The following SCLY variants were observed in gnomAD, a reference collection of about 807,000 sequenced individuals.
The protein encoded by SCLY is selenocysteine lyase.
Under a neutral mutation model 50.1 loss-of-function variants are expected in SCLY, and 38 were observed. The ratio of observed to expected loss-of-function variants is 0.76; its 90% confidence interval spans 0.59 to 0.99. The LOEUF is 0.99. Ranked by LOEUF, SCLY falls within the 50% of genes least tolerant of loss-of-function variation. The pLI is 0.00. For missense variants in SCLY, 600 were observed against 620.0 expected, an observed-to-expected ratio of 0.97 and a Z score of 0.34; for synonymous variants, 243 against 249.4, an observed-to-expected ratio of 0.97 and a Z score of 0.24.
chr2:238,068,239 T>C, intron 3 of SCLY, 74 bp downstream of exon 3: 1 of 1,136,854 alleles, frequency 8.8e-7, no homozygotes. Context: ...GATTTCCTTT[T>C]GCTACATTTT....
Position 238,069,557 on chromosome 2 carries a change from C to A in SCLY, c.484+80C>A. The stretch of plus-strand genomic sequence containing the variant: ...CGGGAAGTGGCCTGCGAGCAGAGCC[C>A]GGGATCCGCTGCAGAGATGTAGATT... On this transcript the variant is annotated intron_variant, in intron 4 of 11. Coordinates refer to ENST00000254663, the MANE Select transcript of SCLY (RefSeq NM_016510.7). The surrounding 1 kb of genome is among the most constrained non-coding windows in gnomAD (Gnocchi z 5.0). The A allele has an allele frequency of 1.6e-6, 2 of 1,276,886 alleles. No individual in the cohort carries two copies. Among genetic ancestry groups the A allele is most frequent in the South Asian group, 1.5e-5 (1 of 67,158 alleles). 79.1% of individuals were successfully genotyped at this position (1,276,886 alleles called of 1,614,324 possible).
chr2:238,063,299 C>T (rs1233075351), intron 1 of SCLY, among the ~76,000 whole-genome samples: 43 of 149,726 alleles, frequency 2.9e-4, no homozygotes, highest in African/African-American at 1.1e-3. Flanking sequence ...GTTGCCCAGG[C>T]TAGAGTGCAG....
chr2:238,081,105 C>G lies in SCLY; in HGVS notation c.485-604C>G, dbSNP rs571938369. 22 of 152,630 alleles carry G rather than the reference C, an allele frequency of 1.4e-4. 1 individual carries two copies. In the South Asian group the frequency reaches 3.5e-3, roughly 24 times the overall value. 9.5% of individuals were successfully genotyped at this position (152,630 alleles called of 1,614,324 possible). Reference sequence around the variant, plus strand: ...CTCGGCCTTCCAAAGTGAGCCACTGCGCCTGGCCAGATACCCTTTGTTGGT... The same window carrying G: ...CTCGGCCTTCCAAAGTGAGCCACTGGGCCTGGCCAGATACCCTTTGTTGGT... On this transcript the variant is annotated intron_variant, in intron 4 of 11. Coordinates refer to ENST00000254663, the MANE Select transcript of SCLY (RefSeq NM_016510.7).
At chr2:238,081,601 C>T in intron 4 of SCLY, 108 bp from the exon 5 acceptor site, 2 of 1,455,018 alleles carry the variant, frequency 1.4e-6, no homozygotes, top group Non-Finnish European at 1.9e-6. Flanking sequence ...TGAACTTGGA[C>T]AACAATTTAC....
intron 4 of SCLY, among the ~76,000 whole-genome samples, chr2:238,077,232 C>G (rs2065183170): frequency 6.6e-6 from 1 of 152,176 alleles, no homozygotes; most frequent in South Asian, 2.1e-4. Flanking sequence ...GTTCTTTTAT[C>G]ATTATAAAAT....
intron 6 of SCLY, 39 bp downstream of exon 6, chr2:238,082,248 C>T: frequency 6.5e-7 from 1 of 1,542,526 alleles, no homozygotes; most frequent in Non-Finnish European, 8.8e-7. Flanking sequence ...TGGGCAGAGC[C>T]TACTGCGCAG....
chr2:238,077,144 G>A (rs1254042800), intron 4 of SCLY, among the ~76,000 whole-genome samples: 2 of 152,064 alleles, frequency 1.3e-5, no homozygotes, highest in African/African-American at 4.8e-5. Flanking sequence ...AAACCTGTCA[G>A]TTTTTGCTTC....
intron 4 of SCLY, among the ~76,000 whole-genome samples, chr2:238,074,238 G>A (rs12619160): frequency 0.4 from 60,878 of 151,354 alleles, 12,602 homozygotes; most frequent in East Asian, 0.7. Context: ...CCCGGAAGGC[G>A]GAGGCTGTAG....
intron 8 of SCLY, 65 bp downstream of exon 8, chr2:238,091,319 A>T: frequency 7.5e-7 from 1 of 1,332,524 alleles, no homozygotes; most frequent in Non-Finnish European, 1.1e-6. Context: ...CAGCGGCTCT[A>T]GTAGGAATCT....
rs1559254555 is a variant in SCLY, at chr2:238,098,607, G to GACCGCCCACATGGGACCGCCCACATTGA, written c.*277_*278insTGAACCGCCCACATGGGACCGCCCACAT. 1 of 372,058 alleles carries GACCGCCCACATGGGACCGCCCACATTGA rather than the reference G, an allele frequency of 2.7e-6. No individual in the cohort carries two copies. The highest frequency in any genetic ancestry group is 6.2e-5 in the Admixed American group (1 of 16,048). 23.0% of individuals were successfully genotyped at this position (372,058 alleles called of 1,614,324 possible). A position where few individuals can be genotyped will look rare whatever the true frequency, so the allele number is the denominator to read the frequency against. ...CGCCCACATAGGACCGCCCACATAG[G>GACCGCCCACATGGGACCGCCCACATTGA]ACCGCCCACATGGGACCGCCCACAT... is the stretch of plus-strand genomic sequence containing the variant. On this transcript the variant is annotated 3_prime_UTR_variant, in exon 12 of 12. Transcript: ENST00000254663.
At position 238,069,558 on chromosome 2, in the gene SCLY, G is replaced by A. The variant is rs530803665; in HGVS notation, c.484+81G>A. 159 of 1,262,000 alleles carry A rather than the reference G, an allele frequency of 1.3e-4. No individual in the cohort carries two copies. The highest frequency in any genetic ancestry group is 7.3e-4 in the African/African-American group (48 of 66,156). 78.2% of individuals were successfully genotyped at this position (1,262,000 alleles called of 1,614,324 possible). On this transcript the variant is annotated intron_variant, in intron 4 of 11. Transcript: ENST00000254663. The surrounding 1 kb of genome is among the most constrained non-coding windows in gnomAD (Gnocchi z 5.0). ...GGGAAGTGGCCTGCGAGCAGAGCCC[G>A]GGATCCGCTGCAGAGATGTAGATTC...
chr2:238,097,077 G>A (rs942876363), intron 11 of SCLY, among the ~76,000 whole-genome samples: 2 of 151,906 alleles, frequency 1.3e-5, no homozygotes, highest in Non-Finnish European at 2.9e-5. Flanking sequence ...GGACTTGTGC[G>A]GGAGAAGAGG....
intron 8 of SCLY, chr2:238,091,552 TTCCCAAAGG>T: frequency 6.9e-4 from 214 of 307,970 alleles, no homozygotes; most frequent in Middle Eastern, 1.9e-3. Context: ...AGGTTCACCA[TTCCCAAAGG>T]CGTCGGCAGC....
intron 7 of SCLY, among the ~76,000 whole-genome samples, chr2:238,087,552 AT>A (rs999721917): frequency 3.0e-4 from 45 of 152,332 alleles, no homozygotes; most frequent in African/African-American, 1.1e-3. Flanking sequence ...CGGTGGTTTC[AT>A]TAGAGAATTC....
chr2:238,068,180 C>T lies in SCLY; in HGVS notation c.303+15C>T, dbSNP rs781364050. The T allele has an allele frequency of 6.7e-7, 1 of 1,483,472 alleles. No homozygotes were observed. Among genetic ancestry groups the T allele is most frequent in the Non-Finnish European group, 9.4e-7 (1 of 1,069,192 alleles). 91.9% of individuals were successfully genotyped at this position (1,483,472 alleles called of 1,614,324 possible). On this transcript the variant is annotated intron_variant, in intron 3 of 11. Coordinates refer to ENST00000254663, the MANE Select transcript of SCLY (RefSeq NM_016510.7). ...GGGGCACTGAGGTAAAGCTTCTGAA[C>T]ACACTCACATTCTGTTAACTGTAAG...
chr2:238,086,576 C>T lies in SCLY; in HGVS notation c.884+3222C>T, dbSNP rs187104759. Among the ~76,000 whole-genome samples, 332 of 151,580 alleles carry T rather than the reference C, an allele frequency of 2.2e-3. 2 individuals are homozygous for T. The highest frequency in any genetic ancestry group is 7.8e-3 in the African/African-American group (321 of 41,272). ...TTTTTAATTAGCCGACATGGCAGTG[C>T]GTGCCTGTAGTCCCAGCTACTCAGG... On this transcript the variant is annotated intron_variant, in intron 7 of 11. Coordinates refer to ENST00000254663, the MANE Select transcript of SCLY (RefSeq NM_016510.7).
intron 8 of SCLY, chr2:238,091,550 C>CCCCTG: frequency 2.4e-6 from 1 of 408,672 alleles, no homozygotes; most frequent in Non-Finnish European, 4.6e-6. Context: ...GCAGGTTCAC[C>CCCCTG]ATTCCCAAAG....
chr2:238,067,994 G>C lies in SCLY; in HGVS notation c.203-71G>C, dbSNP rs1054500945. 4.4e-6 allele frequency: 5 copies of C among 1,148,776 alleles called. No individual in the cohort carries two copies. The South Asian group carries it at 6.9e-5, about 16-fold the overall frequency. 71.2% of individuals were successfully genotyped at this position (1,148,776 alleles called of 1,614,324 possible). ...CAGACCTCTTATTCCTTTGTATTTG[G>C]TTGTCCTTTTAGATGCGTTGATTGA... On this transcript the variant is annotated intron_variant, in intron 2 of 11. Coordinates refer to ENST00000254663, the MANE Select transcript of SCLY (RefSeq NM_016510.7). This position sits in a 1 kb window ranked among gnomAD's most constrained non-coding sequence, Gnocchi z 4.3.
intron 8 of SCLY, chr2:238,091,517 C>CTTTTTT: frequency 6.7e-4 from 323 of 483,876 alleles, no homozygotes; most frequent in Middle Eastern, 1.7e-3. Context: ...GATACTGTTA[C>CTTTTTT]AGCAGAGGTG....
Sources: gnomAD v4.1 joint callset for allele counts (sites outside exome capture counted in the v4.1 genomes callset) on GRCh38, gnomAD v4.1.1 for gene constraint, Gnocchi (gnomAD v3.1) non-coding constraint, MANE v1.5 for transcripts, NCBI Gene and HGNC (gene_info 2026-07-23, HGNC 2026-07-21) for gene names.